The following CCDC85A variants were observed in gnomAD, a reference collection of about 807,000 sequenced individuals.
CCDC85A encodes coiled-coil domain-containing protein 85A.
In CCDC85A, 38 loss-of-function variants were observed where a neutral mutation model predicts 50.2. That is an observed-to-expected ratio of 0.76 (90% CI 0.58 to 0.99). CCDC85A has a LOEUF of 0.99. Ranked by LOEUF, CCDC85A falls within the 50% of genes least tolerant of loss-of-function variation. The probability of loss-of-function intolerance (pLI) is 0.00; values close to 1 mark genes in which losing one functional copy is unlikely to be tolerated. For synonymous variants in CCDC85A, 366 were observed against 301.4 expected (o/e 1.21, Z -2.22); for missense variants, 820 against 742.0 (o/e 1.11, Z -1.22).
chr2:56,323,061 G>A (rs754195552), intron 2 of CCDC85A, among the ~76,000 whole-genome samples: 6 of 152,012 alleles, frequency 3.9e-5, no homozygotes, highest in Admixed American at 1.3e-4. Context: ...ACCAAATACC[G>A]CATGTTCTCA....
intron 2 of CCDC85A, among the ~76,000 whole-genome samples, chr2:56,216,153 ATG>A (rs1677384301): frequency 6.6e-6 from 1 of 151,894 alleles, no homozygotes; most frequent in Admixed American, 6.6e-5. Flanking sequence ...ATTCCACAAA[ATG>A]TGTAGTTTTG....
intron 2 of CCDC85A, among the ~76,000 whole-genome samples, chr2:56,271,052 C>T (rs1670673979): frequency 6.6e-6 from 1 of 152,148 alleles, no homozygotes; most frequent in South Asian, 2.1e-4. Context: ...CAGTGGCTTG[C>T]CCAGTGTCCC....
At chr2:56,239,522 GGAGCC>G (rs1669164790) in intron 2 of CCDC85A, among the ~76,000 whole-genome samples, 1 of 151,918 alleles carries the variant, frequency 6.6e-6, no homozygotes, top group African/African-American at 2.4e-5. Context: ...GTTAAGATCT[GGAGCC>G]TTGTAAAACA....
At chr2:56,255,506 A>G (rs937389033) in intron 2 of CCDC85A, among the ~76,000 whole-genome samples, 2 of 152,146 alleles carry the variant, frequency 1.3e-5, no homozygotes, top group Non-Finnish European at 2.9e-5. Context: ...GCACCAGGAG[A>G]AAAAAGAGTC....
intron 2 of CCDC85A, among the ~76,000 whole-genome samples, chr2:56,314,646 T>A (rs2104237911): frequency 6.6e-6 from 1 of 152,238 alleles, no homozygotes; most frequent in East Asian, 1.9e-4. Flanking sequence ...AGTTTGTTGA[T>A]TTGGTGAGGG....
chr2:56,372,350 C>A lies in CCDC85A; in HGVS notation c.1324C>A (p.Gln442Lys). 1 of 1,576,182 alleles carries A rather than the reference C, an allele frequency of 6.3e-7. No homozygotes were observed. The highest frequency in any genetic ancestry group is 8.6e-7 in the Non-Finnish European group (1 of 1,160,338). The part of the protein sequence containing the change: ...EENRMLPQAS[Q>K]NRRQPPTRNS... ...ATATTGTTCCAAATATAAGGCCAGC[C>A]AGAATAGAAGGCAACCTCCAACTAG... is the stretch of plus-strand genomic sequence containing the variant. The change falls in exon 4 of 6, where the codon CAG becomes AAG. Residue 442 changes from glutamine (Q) to lysine (K), a missense_variant. Gln to Lys is a moderately conservative substitution (Grantham distance 53). Coordinates refer to ENST00000407595, the MANE Select transcript of CCDC85A (RefSeq NM_001080433.2).
chr2:56,275,421 C>T (rs957123762), intron 2 of CCDC85A, among the ~76,000 whole-genome samples: 1 of 152,170 alleles, frequency 6.6e-6, no homozygotes, highest in East Asian at 1.9e-4. Flanking sequence ...TAGATCATCA[C>T]TGCTATAGGT....
chr2:56,244,647 A>G (rs1406171176), intron 2 of CCDC85A, among the ~76,000 whole-genome samples: 1 of 151,086 alleles, frequency 6.6e-6, no homozygotes, highest in African/African-American at 2.4e-5. Context: ...GGCTCTCTGC[A>G]GTCTGAATAT....
In CCDC85A at chr2:56,193,130, G is replaced by A; in HGVS notation, c.930G>A (p.Leu310=). Residue 310 remains leucine (L), a synonymous_variant, in exon 2 of 6, where the codon CTG becomes CTA. Transcript: ENST00000407595. The part of the protein sequence containing the change: ...SSPETLPKHV[L]SGSPEHFQKH... ...CCGAAACGCTGCCCAAGCACGTGCT[G>A]AGTGGGAGCCCGGAACACTTCCAGA... 1 of 1,612,996 alleles carries A rather than the reference G, an allele frequency of 6.2e-7. No individual in the cohort carries two copies. The highest frequency in any genetic ancestry group is 8.5e-7 in the Non-Finnish European group (1 of 1,179,212).
chr2:56,189,732 TC>T (rs1470181036), intron 1 of CCDC85A, among the ~76,000 whole-genome samples: 3 of 152,162 alleles, frequency 2.0e-5, no homozygotes, highest in African/African-American at 7.2e-5. Context: ...AACCCTTACC[TC>T]CCTTCCTACC....
chr2:56,197,967 T>A (rs1346100052), intron 2 of CCDC85A, among the ~76,000 whole-genome samples: 1 of 152,152 alleles, frequency 6.6e-6, no homozygotes, highest in East Asian at 1.9e-4. Flanking sequence ...CGGTGACGCC[T>A]GCACTGCCGG....
intron 2 of CCDC85A, among the ~76,000 whole-genome samples, chr2:56,221,368 A>T (rs985536985): frequency 6.8e-6 from 1 of 147,486 alleles, no homozygotes; most frequent in Non-Finnish European, 1.5e-5. Context: ...GATACTTTCT[A>T]TTTTTTTTTT....
At chr2:56,361,114 C>T (rs949307060) in intron 3 of CCDC85A, among the ~76,000 whole-genome samples, 8 of 152,236 alleles carry the variant, frequency 5.3e-5, no homozygotes, top group South Asian at 2.1e-4. Flanking sequence ...CTTAGCCGGG[C>T]GTGGTGGCGG....
At chr2:56,304,820 G>A (rs1348497835) in intron 2 of CCDC85A, among the ~76,000 whole-genome samples, 2 of 151,892 alleles carry the variant, frequency 1.3e-5, no homozygotes, top group African/African-American at 2.4e-5. Context: ...GGGCCAGGGC[G>A]GGCGGATCAC....
At chr2:56,238,102 ATGCATAC>A (rs1422274164) in intron 2 of CCDC85A, among the ~76,000 whole-genome samples, 1 of 152,072 alleles carries the variant, frequency 6.6e-6, no homozygotes, top group Non-Finnish European at 1.5e-5. Context: ...TTTTTCCACT[ATGCATAC>A]TGCCAGACGG....
chr2:56,295,259 A>G (rs1671894305), intron 2 of CCDC85A, among the ~76,000 whole-genome samples: 2 of 152,084 alleles, frequency 1.3e-5, no homozygotes, highest in South Asian at 2.1e-4. Context: ...ACCTTCAAGT[A>G]TTTACTTTTT....
chr2:56,342,196 C>CTTCTT (rs113818898), intron 2 of CCDC85A, among the ~76,000 whole-genome samples: 36,320 of 147,886 alleles, frequency 0.25, 6,110 homozygotes, highest in African/African-American at 0.48. Context: ...TTCTCTAATA[C>CTTCTT]TTTTTTTTTT....
intron 2 of CCDC85A, among the ~76,000 whole-genome samples, chr2:56,285,163 ACAAT>A (rs1331069002): frequency 6.6e-6 from 1 of 150,432 alleles, no homozygotes; most frequent in Non-Finnish European, 1.5e-5. Context: ...GTGCAGTGGC[ACAAT>A]CTCAGCTCAC....
intron 3 of CCDC85A, among the ~76,000 whole-genome samples, chr2:56,362,785 A>C (rs1421108470): frequency 6.6e-6 from 1 of 151,804 alleles, no homozygotes; most frequent in Non-Finnish European, 1.5e-5. Context: ...CACCCGGCTA[A>C]TTTTTTGTAT....
Sources: allele counts gnomAD v4.1 joint callset (sites outside exome capture counted in the v4.1 genomes callset), GRCh38; gene constraint gnomAD v4.1.1; transcripts MANE v1.5; gene names NCBI Gene and HGNC (gene_info 2026-07-23, HGNC 2026-07-21).